Variants in ADARB2 observed in about 807,000 individuals in gnomAD.
ADARB2 encodes the protein adenosine deaminase RNA specific B2 (inactive), also known as inactive double-stranded RNA-specific editase B2.
Under a neutral mutation model 62.2 loss-of-function variants are expected in ADARB2, and 25 were observed. The ratio of observed to expected loss-of-function variants is 0.40; its 90% CI spans 0.29 to 0.56. The LOEUF (loss-of-function observed/expected upper bound fraction) is 0.56. Ranked by LOEUF, ADARB2 falls within the 20% of genes least tolerant of loss-of-function variation. The probability of loss-of-function intolerance (pLI) is 0.43; values close to 1 mark genes in which losing one functional copy is unlikely to be tolerated. For synonymous variants in ADARB2, 572 were observed against 500.8 expected, an observed-to-expected ratio of 1.14 and a Z score of -1.90; for missense variants, 1,071 against 1,077.4, an observed-to-expected ratio of 0.99 and a Z score of 0.08.
intron 1 of ADARB2, among the ~76,000 whole-genome samples, chr10:1,578,872 T>A (rs1215058423): frequency 6.6e-6 from 1 of 152,058 alleles, no homozygotes; most frequent in African/African-American, 2.4e-5. Flanking sequence ...TCATGCATTC[T>A]CCCTGGGGCC....
intron 1 of ADARB2, among the ~76,000 whole-genome samples, chr10:1,435,242 A>C (rs1346193777): frequency 1.3e-5 from 2 of 152,162 alleles, no homozygotes; most frequent in Admixed American, 6.5e-5. Flanking sequence ...GAGCTCAGAC[A>C]GGTGTTGGTG....
intron 4 of ADARB2, among the ~76,000 whole-genome samples, chr10:1,258,508 T>C (rs561407102): frequency 3.7e-4 from 57 of 152,268 alleles, no homozygotes; most frequent in African/African-American, 1.3e-3. Context: ...TCCTAGTCTC[T>C]AATAAAACAG....
chr10:1,343,174 T>A (rs1369640340), intron 3 of ADARB2, among the ~76,000 whole-genome samples: 1 of 151,916 alleles, frequency 6.6e-6, no homozygotes, highest in Non-Finnish European at 1.5e-5. Flanking sequence ...AACCAGGTTT[T>A]CAAACAACCC....
intron 3 of ADARB2, among the ~76,000 whole-genome samples, chr10:1,306,210 G>C (rs952724088): frequency 2.0e-5 from 3 of 151,562 alleles, no homozygotes; most frequent in African/African-American, 7.3e-5. Flanking sequence ...CTTCAGCAAA[G>C]TCTCAGGATA....
intron 1 of ADARB2, among the ~76,000 whole-genome samples, chr10:1,510,328 G>A (rs1001330322): frequency 1.3e-5 from 2 of 151,836 alleles, no homozygotes; most frequent in Admixed American, 1.3e-4. Context: ...TGACAGCTGC[G>A]TGCCATGATA....
chr10:1,431,753 T>C (rs911621432), intron 1 of ADARB2, among the ~76,000 whole-genome samples: 4 of 152,288 alleles, frequency 2.6e-5, no homozygotes, highest in Non-Finnish European at 5.9e-5. Context: ...ATCTCTGGTA[T>C]TAGGAATGAA....
In ADARB2 at chr10:1,387,282, G is replaced by A. The variant is rs140840768; in HGVS notation, c.101-8122C>T. ...AAATTAATAGTAGGAGTCAAAATAG[G>A]AAGTGGAAAAAAATAGGGAAAAAAC... On this transcript the variant is annotated intron_variant, in intron 1 of 9. Transcript: ENST00000381312. 4.4e-3 allele frequency among the ~76,000 whole-genome samples: 666 copies of A among 151,772 alleles called. 3 individuals are homozygous for A. Among genetic ancestry groups the A allele is most frequent in the Non-Finnish European group, 6.1e-3 (415 of 67,738 alleles).
Position 1,306,015 on chromosome 10 carries a change from A to T in ADARB2, c.1078-34946T>A, listed in dbSNP as rs1022023229. 2.0e-5 allele frequency among the ~76,000 whole-genome samples: 3 copies of T among 152,246 alleles called. No individual in the cohort carries two copies. The East Asian group carries it at 5.8e-4, about 29-fold the overall frequency. ...CACAAGACAGTGAGAGGGATGCCCTATCTCACCACTCCTATTCAACATAGT... is the reference window on the plus strand; with the variant it reads ...CACAAGACAGTGAGAGGGATGCCCTTTCTCACCACTCCTATTCAACATAGT... On this transcript the variant is annotated intron_variant, in intron 3 of 9. Transcript: ENST00000381312.
At chr10:1,184,372 A>G (rs1836720363) in intron 9 of ADARB2, among the ~76,000 whole-genome samples, 1 of 152,180 alleles carries the variant, frequency 6.6e-6, no homozygotes, top group African/African-American at 2.4e-5. Context: ...CCTACTTGTG[A>G]AGGAGAAATT....
At chr10:1,188,747 A>G (rs1836797971) in intron 8 of ADARB2, among the ~76,000 whole-genome samples, 1 of 152,140 alleles carries the variant, frequency 6.6e-6, no homozygotes, top group Non-Finnish European at 1.5e-5. Context: ...AGCGGGAACC[A>G]CGGCCCAGAT....
intron 1 of ADARB2, among the ~76,000 whole-genome samples, chr10:1,581,161 A>C (rs1833092323): frequency 6.6e-6 from 1 of 152,256 alleles, no homozygotes; most frequent in African/African-American, 2.4e-5. Flanking sequence ...AGAAGCAGGG[A>C]TAGAACCTGG....
chr10:1,679,041 G>A (rs145823270), intron 1 of ADARB2, among the ~76,000 whole-genome samples: 17 of 152,308 alleles, frequency 1.1e-4, no homozygotes, highest in East Asian at 3.9e-4. Context: ...CATCAGTCAC[G>A]ATTTGGGGCA....
chr10:1,374,770 G>C (rs1260192075), intron 2 of ADARB2, among the ~76,000 whole-genome samples: 1 of 152,256 alleles, frequency 6.6e-6, no homozygotes. Flanking sequence ...CTGCGTGCCT[G>C]CGGGTCAGAC....
At chr10:1,735,172 G>A (rs905432080) in intron 1 of ADARB2, among the ~76,000 whole-genome samples, 2 of 152,164 alleles carry the variant, frequency 1.3e-5, no homozygotes, top group African/African-American at 2.4e-5. Flanking sequence ...AAACCTGAAT[G>A]CCCTTTCCCG....
intron 1 of ADARB2, among the ~76,000 whole-genome samples, chr10:1,684,503 A>G (rs1369367619): frequency 6.6e-6 from 1 of 152,234 alleles, no homozygotes; most frequent in Admixed American, 6.5e-5. Flanking sequence ...AACAGAAAGA[A>G]TGAATGGGGC....
At chr10:1,558,883 A>T (rs1454822693) in intron 1 of ADARB2, among the ~76,000 whole-genome samples, 3 of 152,056 alleles carry the variant, frequency 2.0e-5, no homozygotes, top group Non-Finnish European at 4.4e-5. Context: ...CCAGCATAAC[A>T]TGCATGTGTT....
intron 1 of ADARB2, among the ~76,000 whole-genome samples, chr10:1,695,841 T>C (rs1193036845): frequency 6.7e-6 from 1 of 148,744 alleles, no homozygotes; most frequent in Non-Finnish European, 1.5e-5. Context: ...TGCATGTGTG[T>C]GTACATGTGT....
intron 1 of ADARB2, among the ~76,000 whole-genome samples, chr10:1,457,179 T>A (rs1455780870): frequency 6.6e-6 from 1 of 152,186 alleles, no homozygotes; most frequent in Non-Finnish European, 1.5e-5. Context: ...ACAAAGGAAA[T>A]CTTCAGAGAA....
chr10:1,561,356 C>T lies in ADARB2; in HGVS notation c.100+175695G>A, dbSNP rs189073761. ...TACAGATACATGAATTTATTTTCAT[C>T]AGTCCCAAACTTGCTCATTTCCTTG... On this transcript the variant is annotated intron_variant, in intron 1 of 9. Transcript: ENST00000381312. Among the ~76,000 whole-genome samples the T allele has an allele frequency of 2.7e-3, 417 of 152,274 alleles. 8 individuals are homozygous for T. The highest frequency in any genetic ancestry group is 1.6e-3 in the Non-Finnish European group (107 of 68,026).
Sources: allele counts gnomAD v4.1 joint callset (sites outside exome capture counted in the v4.1 genomes callset), GRCh38; gene constraint gnomAD v4.1.1; transcripts MANE v1.5; gene names NCBI Gene and HGNC (gene_info 2026-07-23, HGNC 2026-07-21).